The following ANK2 variants were observed in gnomAD, a reference collection of about 807,000 sequenced individuals.
The protein encoded by ANK2 is ankyrin 2.
A neutral mutation model predicts 360.5 loss-of-function variants in ANK2; 83 were observed. That is an observed-to-expected ratio of 0.23 (90% confidence interval 0.19 to 0.28). The LOEUF (loss-of-function observed/expected upper bound fraction) is 0.28, where lower values mean the gene tolerates loss of function less well. Among genes scored for constraint, ANK2 ranks in the 10% least tolerant of loss-of-function variants. The pLI is 1.00. For synonymous variants in ANK2, 1,740 were observed against 1,759.5 expected, an observed-to-expected ratio of 0.99 and a Z score of 0.28; for missense variants, 4,201 against 4,795.7, an observed-to-expected ratio of 0.88 and a Z score of 3.66.
At chr4:112,860,000 C>T (rs960769355) in intron 1 of ANK2, among the ~76,000 whole-genome samples, 1 of 152,080 alleles carries the variant, frequency 6.6e-6, no homozygotes, top group Non-Finnish European at 1.5e-5. Context: ...GGTGTTGTTG[C>T]GTCAATTGGA....
At chr4:113,218,408 C>T (rs1006749153) in intron 4 of ANK2, among the ~76,000 whole-genome samples, 3 of 150,770 alleles carry the variant, frequency 2.0e-5, no homozygotes, top group Non-Finnish European at 4.4e-5. Flanking sequence ...TTTGAATTGC[C>T]CTGCAAAGTT....
At chr4:113,301,619 CA>C (rs2075060359) in intron 22 of ANK2, among the ~76,000 whole-genome samples, 1 of 152,152 alleles carries the variant, frequency 6.6e-6, no homozygotes, top group Non-Finnish European at 1.5e-5. Context: ...TTTTAACCAA[CA>C]TCTCCCAAAT....
At chr4:113,101,415 T>A (rs1195940637) in intron 1 of ANK2, among the ~76,000 whole-genome samples, 2 of 152,152 alleles carry the variant, frequency 1.3e-5, no homozygotes, top group African/African-American at 4.8e-5. Context: ...AAATTCAATA[T>A]GGATCCCAAG....
At chr4:113,307,557 GCCA>G (rs2077836609) in intron 23 of ANK2, among the ~76,000 whole-genome samples, 1 of 151,660 alleles carries the variant, frequency 6.6e-6, no homozygotes, top group East Asian at 1.9e-4. Context: ...ACAGGTGTAT[GCCA>G]CCATGCTAAT....
intron 10 of ANK2, among the ~76,000 whole-genome samples, chr4:113,254,281 C>A (rs1473500189): frequency 1.3e-5 from 2 of 152,262 alleles, no homozygotes; most frequent in Non-Finnish European, 2.9e-5. Flanking sequence ...TAGAATGTAA[C>A]CTCGATAGAG....
intron 1 of ANK2, among the ~76,000 whole-genome samples, chr4:113,122,583 A>G (rs571949526): frequency 6.6e-6 from 1 of 152,158 alleles, no homozygotes; most frequent in African/African-American, 2.4e-5. Context: ...CATAAAGTTG[A>G]TTGGTGCTGT....
At chr4:113,216,282 C>T (rs1452368781) in intron 4 of ANK2, among the ~76,000 whole-genome samples, 1 of 152,220 alleles carries the variant, frequency 6.6e-6, no homozygotes, top group African/African-American at 2.4e-5. Context: ...ACAGAATACT[C>T]TCAGCAACCT....
chr4:113,077,492 T>C (rs931571399), intron 1 of ANK2, among the ~76,000 whole-genome samples: 16 of 152,210 alleles, frequency 1.1e-4, no homozygotes, highest in African/African-American at 3.9e-4. Context: ...TTAAGAGTGG[T>C]TCAGCTTAAG....
intron 1 of ANK2, among the ~76,000 whole-genome samples, chr4:113,110,226 C>A (rs2094143302): frequency 6.6e-6 from 1 of 152,090 alleles, no homozygotes; most frequent in Admixed American, 6.6e-5. Context: ...TGCAGGGGAA[C>A]TGCCCTTTAT....
In ANK2 at chr4:113,303,029, A is replaced by G. The variant is rs113456228; in HGVS notation, c.2548+190A>G. On this transcript the variant is annotated intron_variant, in intron 23 of 45. Transcript: ENST00000357077. ...GGGGCCGGGGGCAGTTCTGATTAGT[A>G]TATTTGTTTCTGGTATTATTTCTTT... Among the ~76,000 whole-genome samples, 227 of 152,208 alleles carry G rather than the reference A, an allele frequency of 1.5e-3. 1 individual carries two copies. The highest frequency in any genetic ancestry group is 5.2e-3 in the African/African-American group (217 of 41,530).
chr4:112,711,543 A>G, the ANK2 span, among the ~76,000 whole-genome samples: 20 of 152,010 alleles, frequency 1.3e-4, no homozygotes, highest in Admixed American at 1.2e-3. Context: ...CAGGCCGGGC[A>G]TGGAGGCTCA....
At chr4:112,827,625 C>G (rs1228984510) in intron 1 of ANK2, 1 of 827,586 alleles carries the variant, frequency 1.2e-6, no homozygotes, top group African/African-American at 1.7e-5. Context: ...ACTCTCCATC[C>G]AGATCCTTGC....
chr4:113,050,218 T>G (rs1026975), intron 1 of ANK2, among the ~76,000 whole-genome samples: 32,257 of 152,058 alleles, frequency 0.21, 3,929 homozygotes, highest in African/African-American at 0.32. Context: ...GTTTGCTCTA[T>G]GATGATCCTG....
Position 113,354,887 on chromosome 4 carries a change from A to G in ANK2, c.6269A>G (p.His2090Arg), listed in dbSNP as rs558761932. 3 of 1,614,154 alleles carry G rather than the reference A, an allele frequency of 1.9e-6. No homozygotes were observed. The highest frequency in any genetic ancestry group is 2.2e-5 in the South Asian group (2 of 91,082). ...GGAGGAAAGGAGAAAGTTCTCAGCC[A>G]CAAAATACCTGAACCTGTTCAGTCA... is the stretch of plus-strand genomic sequence containing the variant. ...AAGGKEKVLS[H>R]KIPEPVQSVP... The change falls in exon 38 of 46, where the codon CAC becomes CGC. Residue 2090 changes from histidine (H) to arginine (R), a missense_variant. Around this residue, in one of 4 missense-constraint regions of ANK2, gnomAD observed 2,642 missense variants for 2,714.5 expected, o/e 0.97. Transcript: ENST00000357077.
chr4:113,234,173 G>T (rs2099352781), intron 5 of ANK2, among the ~76,000 whole-genome samples: 1 of 152,106 alleles, frequency 6.6e-6, no homozygotes, highest in South Asian at 2.1e-4. Context: ...GCTGTCTCAT[G>T]GCTCCTGGCT....
At chr4:113,047,828 C>T (rs571522102), upstream of ANK2, among the ~76,000 whole-genome samples, 1 of 152,042 alleles carries the variant, frequency 6.6e-6, no homozygotes, top group South Asian at 2.1e-4. Flanking sequence ...ACAGAGTTGA[C>T]TCCAGATGAT....
chr4:112,782,616 C>T, the ANK2 span, among the ~76,000 whole-genome samples: 1 of 151,964 alleles, frequency 6.6e-6, no homozygotes, highest in Non-Finnish European at 1.5e-5. Flanking sequence ...CCTGTAATTG[C>T]AGCACTTTGG....
rs78769794 is a variant in ANK2, at chr4:112,955,097, T to A, written c.21+50583T>A. ...ATGTAAGTGAAAAATAGGATGAAAA[T>A]TATTCTTTGATATAAATCACATAAA... On this transcript the variant is annotated intron_variant, in intron 2 of 30. Transcript: ENST00000503271. Among the ~76,000 whole-genome samples the A allele has an allele frequency of 4.3e-4, 65 of 152,200 alleles. No individual in the cohort carries two copies. The East Asian group carries it at 7.9e-3, about 19-fold the overall frequency.
intron 22 of ANK2, among the ~76,000 whole-genome samples, chr4:113,295,242 T>G (rs1273231785): frequency 6.6e-6 from 1 of 152,086 alleles, no homozygotes; most frequent in Admixed American, 6.6e-5. Flanking sequence ...AAAACATTAC[T>G]CCTCCCCACC....
Sources: gnomAD v4.1 joint callset for allele counts (sites outside exome capture counted in the v4.1 genomes callset) on GRCh38, gnomAD v4.1.1 for gene constraint, gnomAD v4.1.1 regional missense constraint, MANE v1.5 for transcripts, NCBI Gene and HGNC (gene_info 2026-07-23, HGNC 2026-07-21) for gene names.